Variants in SLIT3 observed in about 807,000 individuals in gnomAD.
SLIT3 encodes slit guidance ligand 3, also known as slit homolog 3 protein.
In SLIT3, 68 loss-of-function variants were observed where a neutral mutation model predicts 184.0. That is an observed-to-expected ratio of 0.37 (90% CI 0.30 to 0.45). The LOEUF is 0.45. Ranked by LOEUF, SLIT3 falls within the 20% of genes least tolerant of loss-of-function variation. SLIT3 has a pLI of 1.00. For missense variants in SLIT3, 1,707 were observed against 2,026.0 expected, an observed-to-expected ratio of 0.84 and a Z score of 3.02; for synonymous variants, 831 against 828.6, an observed-to-expected ratio of 1.00 and a Z score of -0.05.
intron 4 of SLIT3, among the ~76,000 whole-genome samples, chr5:169,126,857 GA>G (rs1761097864): frequency 6.7e-6 from 1 of 150,044 alleles, no homozygotes; most frequent in Non-Finnish European, 1.5e-5. Flanking sequence ...TGGTTGCCCA[GA>G]TTTTTCTCTC....
intron 1 of SLIT3, among the ~76,000 whole-genome samples, chr5:169,289,557 AC>A (rs1461017956): frequency 2.0e-5 from 3 of 152,242 alleles, no homozygotes; most frequent in South Asian, 2.1e-4. Flanking sequence ...GGCCATAAAG[AC>A]GAAGTCTGAG....
At chr5:168,893,751 T>C (rs1427133239) in intron 4 of SLIT3, among the ~76,000 whole-genome samples, 3 of 152,170 alleles carry the variant, frequency 2.0e-5, no homozygotes, top group African/African-American at 7.2e-5. Context: ...GGAACGTTTA[T>C]GAAATTGTTC....
At chr5:169,063,933 A>T (rs1758262909) in intron 4 of SLIT3, among the ~76,000 whole-genome samples, 1 of 152,242 alleles carries the variant, frequency 6.6e-6, no homozygotes, top group Admixed American at 6.5e-5. Flanking sequence ...TTTATGCATG[A>T]AATCATGTAT....
At chr5:169,142,080 A>AAAAT (rs765749214) in intron 4 of SLIT3, among the ~76,000 whole-genome samples, 7,308 of 42,454 alleles carry the variant, frequency 0.17, 243 homozygotes, top group South Asian at 0.2. Flanking sequence ...AATAAAAATA[A>AAAAT]AAATAAATAA....
chr5:168,931,565 A>G (rs1761987623), intron 4 of SLIT3, among the ~76,000 whole-genome samples: 1 of 152,170 alleles, frequency 6.6e-6, no homozygotes, highest in African/African-American at 2.4e-5. Flanking sequence ...AGATCTGATC[A>G]AAGCTCTCTT....
intron 4 of SLIT3, among the ~76,000 whole-genome samples, chr5:169,138,412 C>T (rs1761601254): frequency 6.6e-6 from 1 of 152,138 alleles, no homozygotes. Context: ...CCTGCAGCCA[C>T]ATATCTGCCT....
chr5:168,791,369 A>G (rs1756360321), intron 10 of SLIT3: 1 of 152,234 alleles, frequency 6.6e-6, no homozygotes, highest in East Asian at 1.9e-4. Flanking sequence ...TCCCTACAGT[A>G]TGAGGTGAGA....
chr5:168,929,762 A>C (rs1406912357), intron 4 of SLIT3, among the ~76,000 whole-genome samples: 1 of 152,242 alleles, frequency 6.6e-6, no homozygotes, highest in African/African-American at 2.4e-5. Context: ...GAAACTGCAA[A>C]TAGTTCATAC....
intron 4 of SLIT3, among the ~76,000 whole-genome samples, chr5:169,000,709 T>A (rs1342319156): frequency 6.6e-6 from 1 of 152,180 alleles, no homozygotes; most frequent in Non-Finnish European, 1.5e-5. Flanking sequence ...AGAAATTACC[T>A]TCACACAAAC....
In SLIT3 at chr5:169,111,000, C is replaced by A. The variant is rs924994551; in HGVS notation, c.413+82479G>T. Reference sequence around the variant, plus strand: ...TGACCACCTACTACTACCCCACAAGCCTTTGCCCTCTCTGCAACGGCCTTA... The same window carrying A: ...TGACCACCTACTACTACCCCACAAGACTTTGCCCTCTCTGCAACGGCCTTA... On this transcript the variant is annotated intron_variant, in intron 4 of 35. Transcript: ENST00000519560. 2.6e-5 allele frequency among the ~76,000 whole-genome samples: 4 copies of A among 152,224 alleles called. No homozygotes were observed. In the East Asian group the frequency reaches 5.8e-4, roughly 22 times the overall value.
intron 4 of SLIT3, among the ~76,000 whole-genome samples, chr5:169,016,510 G>A (rs1756380626): frequency 6.6e-6 from 1 of 152,172 alleles, no homozygotes. Context: ...ATTATTAAGT[G>A]TATCTATTCC....
intron 4 of SLIT3, among the ~76,000 whole-genome samples, chr5:168,894,355 A>G (rs1252099789): frequency 6.6e-6 from 1 of 152,190 alleles, no homozygotes; most frequent in Non-Finnish European, 1.5e-5. Context: ...GCTTTAAAAA[A>G]TTTAAGTGGA....
At chr5:168,876,839 A>G (rs1358524066) in intron 5 of SLIT3, among the ~76,000 whole-genome samples, 2 of 152,208 alleles carry the variant, frequency 1.3e-5, no homozygotes, top group African/African-American at 4.8e-5. Context: ...ATGGCACCTT[A>G]TTCTTTCCTA....
In SLIT3 at chr5:168,665,892, G is replaced by A. The variant is rs1230141637; in HGVS notation, c.*562C>T. On this transcript the variant is annotated 3_prime_UTR_variant, in exon 36 of 36. Transcript: ENST00000519560. ...TGGGCATTTTGGGCACTGACATCCA[G>A]GACTCCGAAAAGCTGGGTAATTTTA... The A allele has an allele frequency of 6.6e-6, 1 of 152,100 alleles. No individual in the cohort carries two copies. Among genetic ancestry groups the A allele is most frequent in the Non-Finnish European group, 1.5e-5 (1 of 67,990 alleles). The allele number at this position is 152,100 out of a possible 1,614,324, so 9.4% of individuals were successfully genotyped here.
intron 4 of SLIT3, among the ~76,000 whole-genome samples, chr5:169,044,649 G>A (rs1388289753): frequency 6.6e-6 from 1 of 152,026 alleles, no homozygotes; most frequent in East Asian, 1.9e-4. Flanking sequence ...GTGATGGGAT[G>A]CTCTGGAATT....
intron 20 of SLIT3, among the ~76,000 whole-genome samples, chr5:168,731,203 GAAGCATGC>G (rs893558836): frequency 3.9e-5 from 6 of 151,932 alleles, no homozygotes; most frequent in African/African-American, 1.4e-4. Flanking sequence ...TAAATTCCCG[GAAGCATGC>G]AACCTCCTGA....
At chr5:169,113,738 A>G (rs1449715182) in intron 4 of SLIT3, among the ~76,000 whole-genome samples, 1 of 148,508 alleles carries the variant, frequency 6.7e-6, no homozygotes, top group South Asian at 2.1e-4. Context: ...TCACTGCAAC[A>G]TCTGACTCCC....
chr5:168,787,981 G>A (rs971390254), intron 11 of SLIT3, among the ~76,000 whole-genome samples: 3 of 149,638 alleles, frequency 2.0e-5, no homozygotes, highest in Non-Finnish European at 2.9e-5. Flanking sequence ...TGAATAAATC[G>A]GGAGTGAGAG....
intron 1 of SLIT3, among the ~76,000 whole-genome samples, chr5:169,270,439 T>C (rs1463059046): frequency 1.3e-5 from 2 of 152,208 alleles, no homozygotes; most frequent in Admixed American, 6.5e-5. Context: ...ATCAAAAGGA[T>C]AATATTTCAT....
Sources: gnomAD v4.1 joint callset for allele counts (sites outside exome capture counted in the v4.1 genomes callset) on GRCh38, gnomAD v4.1.1 for gene constraint, MANE v1.5 for transcripts, NCBI Gene and HGNC (gene_info 2026-07-23, HGNC 2026-07-21) for gene names.